The following DNER variants were observed in gnomAD, a reference collection of about 807,000 sequenced individuals.
The protein encoded by DNER is delta/notch like EGF repeat containing, also known as delta and Notch-like epidermal growth factor-related receptor.
In DNER, 33 loss-of-function variants were observed where a neutral mutation model predicts 78.2. The observed-to-expected ratio is 0.42, with a 90% CI of 0.32 to 0.56. The LOEUF (loss-of-function observed/expected upper bound fraction) is 0.56, where lower values mean the gene tolerates loss of function less well. Among genes scored for constraint, DNER ranks in the 20% least tolerant of loss-of-function variants. The probability of loss-of-function intolerance (pLI) is 0.11; values close to 1 mark genes in which losing one functional copy is unlikely to be tolerated. For synonymous variants in DNER, 417 were observed against 384.8 expected (o/e 1.08, Z -0.98); for missense variants, 918 against 975.3 (o/e 0.94, Z 0.78).
At chr2:229,436,575 C>T (rs903790158) in intron 8 of DNER, among the ~76,000 whole-genome samples, 3 of 152,120 alleles carry the variant, frequency 2.0e-5, no homozygotes, top group African/African-American at 7.2e-5. Context: ...ACAAAGTGAA[C>T]TCCATCAGAC....
rs183651594 is a variant in DNER, at chr2:229,503,680, T to C, written c.1147+9103A>G. ...TATGACGGACTGGACTGATAACTAA[T>C]GACTGAATAGGATTCTAGTAATGTG... On this transcript the variant is annotated intron_variant, in intron 6 of 12. Transcript: ENST00000341772. 2.1e-3 allele frequency among the ~76,000 whole-genome samples: 324 copies of C among 152,354 alleles called. 1 individual carries two copies. The highest frequency in any genetic ancestry group is 3.5e-3 in the Non-Finnish European group (239 of 68,036).
At chr2:229,521,574 G>A (rs977718417) in intron 5 of DNER, among the ~76,000 whole-genome samples, 5 of 152,120 alleles carry the variant, frequency 3.3e-5, no homozygotes, top group Admixed American at 6.5e-5. Context: ...AAGCATAGGC[G>A]AGCTATGACT....
At chr2:229,404,833 A>T (rs1030364448) in intron 10 of DNER, among the ~76,000 whole-genome samples, 1 of 152,252 alleles carries the variant, frequency 6.6e-6, no homozygotes, top group Admixed American at 6.5e-5. Flanking sequence ...TAATTCATAC[A>T]TGATTAGCAT....
At chr2:229,485,255 T>C (rs553316566) in intron 6 of DNER, among the ~76,000 whole-genome samples, 1 of 152,198 alleles carries the variant, frequency 6.6e-6, no homozygotes, top group Admixed American at 6.5e-5. Context: ...TTTTAAAGGG[T>C]CTGACCGTGA....
At chr2:229,594,599 C>A (rs55641074) in intron 1 of DNER, among the ~76,000 whole-genome samples, 5 of 40,784 alleles carry the variant, frequency 1.2e-4, no homozygotes, top group African/African-American at 2.1e-4. Flanking sequence ...AAAAAAAAAA[C>A]AAAACAAACA....
intron 8 of DNER, among the ~76,000 whole-genome samples, chr2:229,428,984 T>G (rs1467760973): frequency 6.6e-6 from 1 of 152,082 alleles, no homozygotes; most frequent in African/African-American, 2.4e-5. Context: ...AAAGAAAAAC[T>G]GGTCCAGAAC....
chr2:229,359,955 G>A (rs1486508502), intron 12 of DNER, among the ~76,000 whole-genome samples: 4 of 152,158 alleles, frequency 2.6e-5, no homozygotes, highest in African/African-American at 9.7e-5. Flanking sequence ...ACTGCAATAT[G>A]ACAAAAGACT....
At chr2:229,679,789 C>A (rs1444182510) in intron 1 of DNER, among the ~76,000 whole-genome samples, 1 of 152,192 alleles carries the variant, frequency 6.6e-6, no homozygotes, top group East Asian at 1.9e-4. Flanking sequence ...ACCTGGGCTT[C>A]CTCACATAGC....
At chr2:229,490,677 A>G (rs1695379942) in intron 6 of DNER, among the ~76,000 whole-genome samples, 1 of 152,018 alleles carries the variant, frequency 6.6e-6, no homozygotes, top group African/African-American at 2.4e-5. Flanking sequence ...TGACTGCACA[A>G]CTCTATGAAT....
intron 10 of DNER, among the ~76,000 whole-genome samples, chr2:229,400,824 C>T (rs1693251140): frequency 6.6e-6 from 1 of 152,016 alleles, no homozygotes; most frequent in Admixed American, 6.5e-5. Flanking sequence ...GACTACACAA[C>T]ACTTTCTTTG....
intron 6 of DNER, among the ~76,000 whole-genome samples, chr2:229,488,853 T>C (rs981148318): frequency 5.9e-5 from 9 of 151,900 alleles, no homozygotes; most frequent in African/African-American, 1.7e-4. Context: ...GTGATTGGAC[T>C]CTGTGCAGGG....
intron 1 of DNER, among the ~76,000 whole-genome samples, chr2:229,604,799 T>G (rs1221217418): frequency 6.6e-6 from 1 of 152,202 alleles, no homozygotes; most frequent in Non-Finnish European, 1.5e-5. Flanking sequence ...GTATCCAACT[T>G]CATTTATCTG....
Position 229,549,784 on chromosome 2 carries a change from G to T in DNER, c.848-2692C>A, listed in dbSNP as rs778729456. 8.6e-4 allele frequency among the ~76,000 whole-genome samples: 131 copies of T among 151,728 alleles called. 1 individual carries two copies. The highest frequency in any genetic ancestry group is 5.9e-4 in the Admixed American group (9 of 15,254). On this transcript the variant is annotated intron_variant, in intron 4 of 12. Transcript: ENST00000341772. Reference sequence around the variant, plus strand: ...AAATTAGCCAGGCATGTTGGCATGCGCCTGTAATCCCAGGTACTCGAGAGG... The same window carrying T: ...AAATTAGCCAGGCATGTTGGCATGCTCCTGTAATCCCAGGTACTCGAGAGG...
At chr2:229,536,374 C>G (rs151271865) in intron 5 of DNER, among the ~76,000 whole-genome samples, 4,280 of 152,212 alleles carry the variant, frequency 0.028, 79 homozygotes, top group Non-Finnish European at 0.042. Context: ...AAGAGATGCT[C>G]ACGAAACACT....
At chr2:229,463,502 A>G (rs1037470229) in intron 7 of DNER, among the ~76,000 whole-genome samples, 21 of 152,316 alleles carry the variant, frequency 1.4e-4, no homozygotes, top group African/African-American at 4.6e-4. Flanking sequence ...GTATAGTGGC[A>G]TAATCATGGC....
intron 4 of DNER, among the ~76,000 whole-genome samples, chr2:229,558,653 T>A (rs1309811198): frequency 6.6e-6 from 1 of 152,186 alleles, no homozygotes; most frequent in African/African-American, 2.4e-5. Context: ...TGAGTCCATG[T>A]AAGGACTGGG....
intron 1 of DNER, among the ~76,000 whole-genome samples, chr2:229,632,134 T>TA (rs1389249355): frequency 6.6e-6 from 1 of 152,194 alleles, no homozygotes; most frequent in Non-Finnish European, 1.5e-5. Flanking sequence ...GAACAGAAGA[T>TA]ACCACTTTTA....
At chr2:229,585,646 C>A (rs527397844) in intron 4 of DNER, among the ~76,000 whole-genome samples, 1 of 148,374 alleles carries the variant, frequency 6.7e-6, no homozygotes, top group East Asian at 2.0e-4. Flanking sequence ...GGTGACTGAG[C>A]GAGACTCCAT....
chr2:229,471,225 T>G (rs1694919074), intron 7 of DNER, among the ~76,000 whole-genome samples: 1 of 152,164 alleles, frequency 6.6e-6, no homozygotes, highest in African/African-American at 2.4e-5. Context: ...CAATACACAT[T>G]ATCTGAGAGA....
Sources: allele counts gnomAD v4.1 joint callset (sites outside exome capture counted in the v4.1 genomes callset), GRCh38; gene constraint gnomAD v4.1.1; transcripts MANE v1.5; gene names NCBI Gene and HGNC (gene_info 2026-07-23, HGNC 2026-07-21).